GABRB1: variants seen among roughly 807,000 people sequenced by gnomAD.
GABRB1 encodes gamma-aminobutyric acid type A receptor subunit beta1.
In GABRB1, 17 loss-of-function variants were observed where a neutral mutation model predicts 51.6. That is an observed-to-expected ratio of 0.33 (90% CI 0.23 to 0.49). The LOEUF (loss-of-function observed/expected upper bound fraction) is 0.49, where lower values mean the gene tolerates loss of function less well. GABRB1 is among the 20% of genes least tolerant of loss of function. The pLI is 0.99. For synonymous variants in GABRB1, 247 were observed against 218.9 expected (o/e 1.13, Z -1.14); for missense variants, 410 against 600.6 (o/e 0.68, Z 3.32).
rs532626919 is a variant in GABRB1, at chr4:47,274,404, T to C, written c.462-45723T>C. On this transcript the variant is annotated intron_variant, in intron 4 of 8. Transcript: ENST00000295454. ...GACTTGAGGCCCGTTATTATTATCC[T>C]CCCTCTGGAATCTCACAATTATTTT... Among the ~76,000 whole-genome samples the C allele has an allele frequency of 6.6e-5, 10 of 152,300 alleles. No individual in the cohort carries two copies. The South Asian group carries it at 1.7e-3, about 25-fold the overall frequency.
At chr4:47,043,513 T>C (rs530831380) in intron 3 of GABRB1, among the ~76,000 whole-genome samples, 1 of 152,076 alleles carries the variant, frequency 6.6e-6, no homozygotes, top group Non-Finnish European at 1.5e-5. Context: ...TTACCAGACA[T>C]AAATTTAACT....
intron 5 of GABRB1, among the ~76,000 whole-genome samples, chr4:47,353,272 C>A (rs1726428541): frequency 1.3e-5 from 2 of 152,172 alleles, no homozygotes; most frequent in Non-Finnish European, 2.9e-5. Context: ...CAAACTGCTA[C>A]AAAGTGTAAT....
chr4:47,297,136 A>T (rs2109931577), intron 4 of GABRB1, among the ~76,000 whole-genome samples: 1 of 152,190 alleles, frequency 6.6e-6, no homozygotes, highest in East Asian at 1.9e-4. Context: ...TTATAGCACT[A>T]AATGCACATA....
intron 7 of GABRB1, among the ~76,000 whole-genome samples, chr4:47,405,400 A>T (rs973462422): frequency 1.3e-5 from 2 of 152,132 alleles, no homozygotes; most frequent in African/African-American, 4.8e-5. Context: ...TCCCTTTGGA[A>T]GTTCTCCTTT....
At chr4:47,056,193 C>A (rs551397495) in intron 3 of GABRB1, among the ~76,000 whole-genome samples, 1 of 152,180 alleles carries the variant, frequency 6.6e-6, no homozygotes, top group Non-Finnish European at 1.5e-5. Flanking sequence ...AGGAATGTTA[C>A]AGAATAAGAG....
At chr4:47,328,833 G>T (rs554979274) in intron 5 of GABRB1, among the ~76,000 whole-genome samples, 1 of 151,536 alleles carries the variant, frequency 6.6e-6, no homozygotes, top group Admixed American at 6.6e-5. Flanking sequence ...CGAGTTACCA[G>T]GTGCAGCACA....
intron 4 of GABRB1, among the ~76,000 whole-genome samples, chr4:47,237,004 T>C (rs1310234841): frequency 6.6e-6 from 1 of 152,042 alleles, no homozygotes; most frequent in South Asian, 2.1e-4. Context: ...GCAAATTGGG[T>C]AATAGCATAC....
chr4:47,075,403 C>T (rs1362377009), intron 3 of GABRB1, among the ~76,000 whole-genome samples: 1 of 152,162 alleles, frequency 6.6e-6, no homozygotes, highest in Non-Finnish European at 1.5e-5. Context: ...GCAAGCAGGG[C>T]TGTTTTCATA....
intron 3 of GABRB1, among the ~76,000 whole-genome samples, chr4:47,156,990 A>T (rs111878937): frequency 1.0e-3 from 158 of 152,178 alleles, no homozygotes; most frequent in African/African-American, 3.3e-3. Flanking sequence ...TAAATTTTTT[A>T]AAATGTCGTT....
Position 47,291,436 on chromosome 4 carries a change from G to A in GABRB1, c.462-28691G>A, listed in dbSNP as rs541141028. Among the ~76,000 whole-genome samples, 26 of 152,244 alleles carry A rather than the reference G, an allele frequency of 1.7e-4. No homozygotes were observed. In the East Asian group the frequency reaches 2.5e-3, roughly 15 times the overall value. The stretch of plus-strand genomic sequence containing the variant: ...GGGAAATGTGGTGTCGGAGCCCCCC[G>A]ACCCACACAGAGTCCATATGGGGCA... On this transcript the variant is annotated intron_variant, in intron 4 of 8. Transcript: ENST00000295454.
chr4:47,303,158 CT>C (rs906202864), intron 4 of GABRB1, among the ~76,000 whole-genome samples: 84 of 151,804 alleles, frequency 5.5e-4, no homozygotes, highest in Non-Finnish European at 3.8e-4. Flanking sequence ...AAAAGTTTGA[CT>C]ACTATAAAGA....
intron 3 of GABRB1, among the ~76,000 whole-genome samples, chr4:47,054,913 T>C (rs1449379666): frequency 2.0e-5 from 3 of 152,170 alleles, no homozygotes; most frequent in Non-Finnish European, 4.4e-5. Context: ...TTTAAAGTTG[T>C]CATTTCATAA....
intron 4 of GABRB1, among the ~76,000 whole-genome samples, chr4:47,299,010 T>C (rs1477797075): frequency 1.3e-5 from 2 of 151,626 alleles, no homozygotes; most frequent in Non-Finnish European, 2.9e-5. Flanking sequence ...ATTTAATAAA[T>C]GGTGCTGGGA....
intron 3 of GABRB1, among the ~76,000 whole-genome samples, chr4:47,155,991 G>T (rs912964323): frequency 7.4e-6 from 1 of 135,170 alleles, no homozygotes; most frequent in Non-Finnish European, 1.6e-5. Context: ...TACTTAGGTT[G>T]ATTCCATATT....
At chr4:47,109,148 T>C (rs990879638) in intron 3 of GABRB1, among the ~76,000 whole-genome samples, 1 of 152,114 alleles carries the variant, frequency 6.6e-6, no homozygotes, top group African/African-American at 2.4e-5. Context: ...TATTTTAGGA[T>C]GCTTAACGTG....
intron 1 of GABRB1, among the ~76,000 whole-genome samples, chr4:47,016,036 G>A (rs186199166): frequency 6.6e-6 from 1 of 152,210 alleles, no homozygotes; most frequent in Non-Finnish European, 1.5e-5. Context: ...GGGCAGAAAA[G>A]CACTGCAGGT....
chr4:47,024,759 G>A (rs1458700437), intron 1 of GABRB1, among the ~76,000 whole-genome samples: 1 of 151,212 alleles, frequency 6.6e-6, no homozygotes, highest in Non-Finnish European at 1.5e-5. Flanking sequence ...AGTTCACTGT[G>A]TCATTCTTAT....
At chr4:47,125,660 A>C (rs995763197) in intron 3 of GABRB1, among the ~76,000 whole-genome samples, 1 of 136,666 alleles carries the variant, frequency 7.3e-6, no homozygotes, top group Non-Finnish European at 1.5e-5. Context: ...GGTTCACGCC[A>C]TTCTCCTGCC....
chr4:47,123,828 TTATATATTATATTA>T (rs1353534300), intron 3 of GABRB1, among the ~76,000 whole-genome samples: 4 of 85,426 alleles, frequency 4.7e-5, no homozygotes, highest in African/African-American at 1.9e-4. Flanking sequence ...TTATATTATA[TTATATATTATATTA>T]TATATATTAT....
Sources: allele counts gnomAD v4.1 joint callset (sites outside exome capture counted in the v4.1 genomes callset), GRCh38; gene constraint gnomAD v4.1.1; transcripts MANE v1.5; gene names NCBI Gene and HGNC (gene_info 2026-07-23, HGNC 2026-07-21).